Variants in SCAPER observed in about 807,000 individuals in gnomAD.
SCAPER encodes the protein S phase cyclin A-associated protein in the endoplasmic reticulum.
SCAPER carries 98 observed loss-of-function variants against 182.2 expected under a neutral mutation model. The observed-to-expected ratio is 0.54, with a 90% CI of 0.46 to 0.64. The LOEUF (loss-of-function observed/expected upper bound fraction) is 0.64. Ranked by LOEUF, SCAPER falls within the 30% of genes least tolerant of loss-of-function variation. The pLI, the probability that SCAPER is intolerant of heterozygous loss-of-function variation, is 0.00. For missense variants in SCAPER, 1,432 were observed against 1,690.0 expected (o/e 0.85, Z 2.68); for synonymous variants, 605 against 564.6 (o/e 1.07, Z -1.01).
chr15:76,650,454 C>G (rs2054934269), intron 21 of SCAPER, among the ~76,000 whole-genome samples: 1 of 151,776 alleles, frequency 6.6e-6, no homozygotes, highest in Non-Finnish European at 1.5e-5. Context: ...GGAAAGGGAA[C>G]AATTTGTCAA....
At chr15:76,627,638 G>C (rs145454374) in intron 21 of SCAPER, among the ~76,000 whole-genome samples, 1 of 152,046 alleles carries the variant, frequency 6.6e-6, no homozygotes, top group Non-Finnish European at 1.5e-5. Context: ...CCTTTTTATG[G>C]CTGCATAGTA....
intron 21 of SCAPER, among the ~76,000 whole-genome samples, chr15:76,649,870 A>G (rs1487202348): frequency 6.6e-6 from 1 of 152,146 alleles, no homozygotes; most frequent in Admixed American, 6.5e-5. Flanking sequence ...AAAACATTAA[A>G]GGAAGTTATT....
At chr15:76,377,501 C>A (rs753874428) in intron 28 of SCAPER, among the ~76,000 whole-genome samples, 3 of 152,132 alleles carry the variant, frequency 2.0e-5, no homozygotes, top group Non-Finnish European at 4.4e-5. Flanking sequence ...AAAATTAAAC[C>A]AATTTTCAAG....
chr15:76,734,759 G>A (rs538591127), intron 15 of SCAPER, among the ~76,000 whole-genome samples: 1 of 152,182 alleles, frequency 6.6e-6, no homozygotes, highest in South Asian at 2.1e-4. Context: ...CCTAATCCCA[G>A]CTACTCAGGA....
intron 1 of SCAPER, among the ~76,000 whole-genome samples, chr15:76,886,810 C>T (rs1053254688): frequency 1.3e-5 from 2 of 152,176 alleles, no homozygotes; most frequent in African/African-American, 4.8e-5. Context: ...CCAGGGAATA[C>T]TATGCAGTCA....
At chr15:76,639,338 A>G (rs1838048) in intron 21 of SCAPER, among the ~76,000 whole-genome samples, 58,068 of 152,118 alleles carry the variant, frequency 0.38, 13,098 homozygotes, top group Middle Eastern at 0.52. Context: ...TTACTTATCA[A>G]AAAAGTAGTG....
At chr15:76,665,616 A>G (rs200179347) in intron 21 of SCAPER, 37 bp downstream of exon 21, 204 of 1,545,766 alleles carry the variant, frequency 1.3e-4, no homozygotes, top group Non-Finnish European at 1.6e-4. Flanking sequence ...TACATCACTA[A>G]AAGTTTTTCT....
At chr15:76,888,539 C>G (rs2073986446) in intron 1 of SCAPER, among the ~76,000 whole-genome samples, 1 of 152,092 alleles carries the variant, frequency 6.6e-6, no homozygotes, top group African/African-American at 2.4e-5. Context: ...GCATAAGCCT[C>G]AGCAGCCGAT....
intron 24 of SCAPER, among the ~76,000 whole-genome samples, chr15:76,489,150 T>C (rs1277844544): frequency 1.3e-5 from 2 of 148,284 alleles, no homozygotes; most frequent in Non-Finnish European, 3.0e-5. Flanking sequence ...TTAAAAAATC[T>C]GATATTACAT....
At chr15:76,898,815 G>GA (rs1489857852) in intron 1 of SCAPER, among the ~76,000 whole-genome samples, 1 of 152,194 alleles carries the variant, frequency 6.6e-6, no homozygotes, top group African/African-American at 2.4e-5. Context: ...TTGGGATACT[G>GA]AAAATGTTCT....
intron 5 of SCAPER, among the ~76,000 whole-genome samples, chr15:76,812,036 G>A (rs3106380): frequency 0.13 from 20,441 of 151,926 alleles, 1,418 homozygotes; most frequent in African/African-American, 0.17. Flanking sequence ...ATCAATAGCC[G>A]GGCATGGTGG....
At chr15:76,521,522 G>A (rs1321302413) in intron 23 of SCAPER, among the ~76,000 whole-genome samples, 2 of 152,094 alleles carry the variant, frequency 1.3e-5, no homozygotes, top group African/African-American at 4.8e-5. Flanking sequence ...GTGATAAGAA[G>A]AGTTAGCCCT....
At chr15:76,656,507 C>T (rs1436205147) in intron 21 of SCAPER, among the ~76,000 whole-genome samples, 1 of 152,134 alleles carries the variant, frequency 6.6e-6, no homozygotes, top group Non-Finnish European at 1.5e-5. Context: ...AGAAAACTAA[C>T]AATGATATTC....
intron 21 of SCAPER, among the ~76,000 whole-genome samples, chr15:76,627,692 G>A (rs990210200): frequency 1.3e-4 from 20 of 152,064 alleles, no homozygotes; most frequent in Admixed American, 3.9e-4. Context: ...CCAGTTTATC[G>A]TTGATGGGCA....
intron 6 of SCAPER, among the ~76,000 whole-genome samples, chr15:76,801,165 C>T (rs981509053): frequency 1.3e-5 from 2 of 152,164 alleles, no homozygotes; most frequent in Non-Finnish European, 2.9e-5. Context: ...TCTTCATTTG[C>T]GATTCACATG....
intron 21 of SCAPER, among the ~76,000 whole-genome samples, chr15:76,626,991 T>C (rs1356996159): frequency 1.3e-5 from 2 of 152,142 alleles, no homozygotes; most frequent in Non-Finnish European, 2.9e-5. Context: ...AGAGATAAGG[T>C]TGAAAGAATC....
intron 22 of SCAPER, among the ~76,000 whole-genome samples, chr15:76,617,978 G>A (rs2051650051): frequency 6.6e-6 from 1 of 152,128 alleles, no homozygotes; most frequent in Admixed American, 6.5e-5. Flanking sequence ...ATCTCTTCCA[G>A]CTGGGCATGA....
intron 5 of SCAPER, among the ~76,000 whole-genome samples, chr15:76,823,966 A>T (rs2067783364): frequency 6.6e-6 from 1 of 152,192 alleles, no homozygotes; most frequent in Non-Finnish European, 1.5e-5. Context: ...TACTTCAGAA[A>T]TTTGTTGGCA....
At chr15:76,817,170 T>A (rs926628229) in intron 5 of SCAPER, among the ~76,000 whole-genome samples, 1 of 152,238 alleles carries the variant, frequency 6.6e-6, no homozygotes, top group African/African-American at 2.4e-5. Context: ...ACCACCATTG[T>A]AGGTCAGCTG....
Sources: allele counts gnomAD v4.1 joint callset (sites outside exome capture counted in the v4.1 genomes callset), GRCh38; gene constraint gnomAD v4.1.1; transcripts MANE v1.5; gene names NCBI Gene and HGNC (gene_info 2026-07-23, HGNC 2026-07-21).